MYRFL: variants seen among roughly 807,000 people sequenced by gnomAD.
MYRFL encodes myelin regulatory factor-like protein.
A neutral mutation model predicts 109.4 loss-of-function variants in MYRFL; 88 were observed. The observed-to-expected ratio is 0.80, with a 90% CI of 0.68 to 0.96. The LOEUF (loss-of-function observed/expected upper bound fraction) is 0.96, where lower values mean the gene tolerates loss of function less well. MYRFL is among the 40% of genes least tolerant of loss of function. MYRFL has a pLI of 0.00. For synonymous variants in MYRFL, 324 were observed against 320.9 expected, an observed-to-expected ratio of 1.01 and a Z score of -0.10; for missense variants, 957 against 954.9, an observed-to-expected ratio of 1.00 and a Z score of -0.03.
Position 69,903,624 on chromosome 12 carries a change from A to G in MYRFL, c.1183-20A>G, listed in dbSNP as rs1954259219. 1 of 1,534,550 alleles carries G rather than the reference A, an allele frequency of 6.5e-7. No individual in the cohort carries two copies. The highest frequency in any genetic ancestry group is 2.4e-5 in the East Asian group (1 of 40,906). ...CTGCTACTGTTACTTTAATTGTAAT[A>G]TATTTATGTATTTTTCCAGGCCTCT... On this transcript the variant is annotated intron_variant, in intron 10 of 24. Transcript: ENST00000552032.
chr12:69,864,670 A>C (rs1732679), intron 2 of MYRFL, among the ~76,000 whole-genome samples: 239 of 4,110 alleles, frequency 0.058, 17 homozygotes, highest in South Asian at 0.1. Context: ...CACACACACA[A>C]ACACACACAC....
Position 69,955,360 on chromosome 12 carries a change from T to G in MYRFL, c.2376-3T>G. 1 of 631,572 alleles carries G rather than the reference T, an allele frequency of 1.6e-6. No individual in the cohort carries two copies. Among genetic ancestry groups the G allele is most frequent in the Non-Finnish European group, 2.8e-6 (1 of 357,998 alleles). 39.1% of individuals were successfully genotyped at this position (631,572 alleles called of 1,614,324 possible). ...TGTGGTTTTATTTTCTTTCCATAAT[T>G]AGATCTGGAAATTATAATTACAATA... On this transcript the variant is annotated splice_polypyrimidine_tract_variant and splice_region_variant and intron_variant, in intron 21 of 24. Coordinates refer to ENST00000552032, the MANE Select transcript of MYRFL (RefSeq NM_182530.3).
In MYRFL at chr12:69,891,682, TTTCGTTCGTTCG is replaced by T. The variant is rs147744686; in HGVS notation, c.903+520_903+531del. On this transcript the variant is annotated intron_variant, in intron 7 of 24. Coordinates refer to ENST00000552032, the MANE Select transcript of MYRFL (RefSeq NM_182530.3). Reference sequence around the variant, plus strand: ...CTTTCTTTCTTTCTTTCTTTCTTTCTTTCGTTCGTTCGTTCTTTCTTTCTTTTTTTCTTTGAG... The same window carrying T: ...CTTTCTTTCTTTCTTTCTTTCTTTCTTTCTTTCTTTCTTTTTTTCTTTGAG... Among the ~76,000 whole-genome samples, 134 of 101,344 alleles carry T rather than the reference TTTCGTTCGTTCG, an allele frequency of 1.3e-3. 4 individuals carry two copies. The highest frequency in any genetic ancestry group is 2.0e-3 in the African/African-American group (45 of 22,924). The allele number at this position is 101,344 out of a possible 152,430, so 66.5% of individuals were successfully genotyped here. A position where few individuals can be genotyped will look rare whatever the true frequency, so the allele number is the denominator to read the frequency against.
At chr12:69,871,953 C>G (rs1565984640) in intron 2 of MYRFL, among the ~76,000 whole-genome samples, 1 of 152,124 alleles carries the variant, frequency 6.6e-6, no homozygotes. Flanking sequence ...CTTGTTCTCC[C>G]CATTGTGTTC....
chr12:69,861,886 A>G (rs1388062411), intron 2 of MYRFL, among the ~76,000 whole-genome samples: 2 of 151,850 alleles, frequency 1.3e-5, no homozygotes, highest in Non-Finnish European at 2.9e-5. Flanking sequence ...TTTTAGGTCT[A>G]ACATGTAAGT....
At chr12:69,905,557 C>T (rs750534913) in intron 11 of MYRFL, among the ~76,000 whole-genome samples, 8 of 152,128 alleles carry the variant, frequency 5.3e-5, no homozygotes, top group Non-Finnish European at 7.4e-5. Flanking sequence ...GAACTTTGGC[C>T]GAGAGGCGAT....
intron 1 of MYRFL, among the ~76,000 whole-genome samples, chr12:69,826,403 T>G (rs1160802658): frequency 6.6e-6 from 1 of 152,128 alleles, no homozygotes; most frequent in African/African-American, 2.4e-5. Flanking sequence ...TTGCCTGATT[T>G]TATATCATAT....
In MYRFL at chr12:69,891,063, A is replaced by C. The variant is rs187571469; in HGVS notation, c.800A>C (p.Gln267Pro). 3.3e-6 allele frequency: 5 copies of C among 1,535,382 alleles called. No homozygotes were observed. In the Admixed American group the frequency reaches 9.8e-5, roughly 30 times the overall value. Residue 267 changes from glutamine (Q) to proline (P), a missense_variant, in exon 7 of 25, where the codon CAG (glutamine) becomes CCG (proline). Physicochemically the swap from Gln to Pro is moderately conservative, Grantham distance 76. Coordinates refer to ENST00000552032, the MANE Select transcript of MYRFL (RefSeq NM_182530.3). Reference sequence around the variant, plus strand: ...GTTTGCCAAAAGAAGAATCATTTCCAGATAACCATTCACATCCAAGTTTGG... The same window carrying C: ...GTTTGCCAAAAGAAGAATCATTTCCCGATAACCATTCACATCCAAGTTTGG... ...AFVCQKKNHF[Q>P]ITIHIQVWGS...
intron 8 of MYRFL, 88 bp from the exon 9 acceptor site, chr12:69,895,283 A>T (rs7964113): frequency 0.32 from 308,439 of 972,758 alleles, 50,839 homozygotes; most frequent in African/African-American, 0.36. Flanking sequence ...CCAAGCATAG[A>T]TGAGAGTCTG....
In MYRFL at chr12:69,864,025, A is replaced by G. The variant is rs146418863; in HGVS notation, c.137+8655A>G. Among the ~76,000 whole-genome samples, 838 of 152,272 alleles carry G rather than the reference A, an allele frequency of 5.5e-3. 13 individuals are homozygous for G. The highest frequency in any genetic ancestry group is 0.019 in the African/African-American group (787 of 41,554). On this transcript the variant is annotated intron_variant, in intron 2 of 24. Coordinates refer to ENST00000552032, the MANE Select transcript of MYRFL (RefSeq NM_182530.3). ...TGATGAAAAATAAACAGCTATTTGAATCATTGTTCCCTTGTATGTAATACA... is the reference window on the plus strand; with the variant it reads ...TGATGAAAAATAAACAGCTATTTGAGTCATTGTTCCCTTGTATGTAATACA...
intron 1 of MYRFL, among the ~76,000 whole-genome samples, chr12:69,835,470 A>G (rs755169577): frequency 1.3e-5 from 2 of 152,252 alleles, no homozygotes; most frequent in Non-Finnish European, 2.9e-5. Context: ...TCATAAAAGC[A>G]TGCATGGGAA....
At chr12:69,893,330 G>C (rs185495261) in intron 7 of MYRFL, among the ~76,000 whole-genome samples, 1 of 152,194 alleles carries the variant, frequency 6.6e-6, no homozygotes, top group Non-Finnish European at 1.5e-5. Context: ...CTTCATAGTA[G>C]AATGAATGTA....
Position 69,936,846 on chromosome 12 carries a change from T to C in MYRFL, c.2224+214T>C, listed in dbSNP as rs545821890. ...TGAAATTTTGGTTGATTCAAGTACT[T>C]ATAATTTTCACCAAGTGAAAGGTTC... On this transcript the variant is annotated intron_variant, in intron 19 of 24. Transcript: ENST00000552032. Among the ~76,000 whole-genome samples the C allele has an allele frequency of 7.2e-5, 11 of 152,364 alleles. No homozygotes were observed. The East Asian group carries it at 1.9e-3, about 27-fold the overall frequency.
At chr12:69,874,781 T>A (rs1885558914) in intron 2 of MYRFL, among the ~76,000 whole-genome samples, 1 of 152,114 alleles carries the variant, frequency 6.6e-6, no homozygotes, top group South Asian at 2.1e-4. Flanking sequence ...TACTGTCTTC[T>A]GGCCTCTGGA....
intron 16 of MYRFL, among the ~76,000 whole-genome samples, chr12:69,933,252 C>A (rs1302416660): frequency 6.6e-6 from 1 of 151,918 alleles, no homozygotes; most frequent in Non-Finnish European, 1.5e-5. Context: ...AGGGCCCTTT[C>A]TCAGGCCTCT....
At chr12:69,831,392 C>A (rs1882624360) in intron 1 of MYRFL, among the ~76,000 whole-genome samples, 1 of 152,134 alleles carries the variant, frequency 6.6e-6, no homozygotes, top group Admixed American at 6.5e-5. Context: ...AGTTTACCAA[C>A]CCCTGATCTA....
At chr12:69,934,886 G>A (rs1277632968) in intron 16 of MYRFL, among the ~76,000 whole-genome samples, 1 of 152,262 alleles carries the variant, frequency 6.6e-6, no homozygotes, top group East Asian at 1.9e-4. Context: ...GACCCACTTG[G>A]GAGAGAGTGG....
chr12:69,835,452 T>G (rs1327571434), intron 1 of MYRFL, among the ~76,000 whole-genome samples: 1 of 152,200 alleles, frequency 6.6e-6, no homozygotes, highest in Non-Finnish European at 1.5e-5. Context: ...ACTCATATAT[T>G]TAACCGCTCA....
chr12:69,946,275 A>G (rs949993055), intron 19 of MYRFL, among the ~76,000 whole-genome samples: 18 of 152,166 alleles, frequency 1.2e-4, no homozygotes, highest in Non-Finnish European at 1.8e-4. Flanking sequence ...TTCTTTGACT[A>G]CAAATGAAAT....
Sources: gnomAD v4.1 joint callset for allele counts (sites outside exome capture counted in the v4.1 genomes callset) on GRCh38, gnomAD v4.1.1 for gene constraint, MANE v1.5 for transcripts, NCBI Gene and HGNC (gene_info 2026-07-23, HGNC 2026-07-21) for gene names.